Variants in LRP1B observed in about 807,000 individuals in gnomAD.
LRP1B encodes low-density lipoprotein receptor-related protein 1B.
In LRP1B, 217 loss-of-function variants were observed where a neutral mutation model predicts 556.6. The ratio of observed to expected loss-of-function variants is 0.39; its 90% CI spans 0.35 to 0.44. LRP1B has a LOEUF of 0.44. Ranked by LOEUF, LRP1B falls within the 20% of genes least tolerant of loss-of-function variation. The probability of loss-of-function intolerance (pLI) is 1.00; values close to 1 mark genes in which losing one functional copy is unlikely to be tolerated. For synonymous variants in LRP1B, 2,047 were observed against 1,865.8 expected (o/e 1.10, Z -2.50); for missense variants, 5,053 against 5,620.8 (o/e 0.90, Z 3.23).
At chr2:140,378,972 A>T (rs866247068) in intron 67 of LRP1B, among the ~76,000 whole-genome samples, 12 of 152,224 alleles carry the variant, frequency 7.9e-5, no homozygotes, top group Non-Finnish European at 1.5e-4. Context: ...CACATAGGGC[A>T]TAAGCCACAT....
intron 2 of LRP1B, among the ~76,000 whole-genome samples, chr2:141,696,475 A>G (rs1691737040): frequency 6.6e-6 from 1 of 151,972 alleles, no homozygotes; most frequent in Non-Finnish European, 1.5e-5. Flanking sequence ...CCTTTGATTA[A>G]TAATTTAATC....
chr2:141,600,497 C>G (rs1426573835), intron 2 of LRP1B, among the ~76,000 whole-genome samples: 1 of 152,004 alleles, frequency 6.6e-6, no homozygotes, highest in Non-Finnish European at 1.5e-5. Flanking sequence ...AGTGATGATG[C>G]AGGTGAGTAT....
chr2:140,436,150 A>G (rs1686171391), intron 66 of LRP1B, among the ~76,000 whole-genome samples: 1 of 152,202 alleles, frequency 6.6e-6, no homozygotes, highest in Non-Finnish European at 1.5e-5. Context: ...TAGTGATCTA[A>G]TAATAGTACA....
At chr2:140,240,743 A>G (rs2104887276) in intron 87 of LRP1B, among the ~76,000 whole-genome samples, 1 of 151,010 alleles carries the variant, frequency 6.6e-6, no homozygotes, top group Middle Eastern at 3.4e-3. Context: ...TTGAACATGG[A>G]GATCTTGAAT....
chr2:141,160,290 C>T (rs1679959666), intron 7 of LRP1B, among the ~76,000 whole-genome samples: 1 of 152,068 alleles, frequency 6.6e-6, no homozygotes, highest in African/African-American at 2.4e-5. Context: ...GTCTGAACAA[C>T]TAGATCTCTC....
intron 3 of LRP1B, among the ~76,000 whole-genome samples, chr2:141,445,134 C>T (rs1681138906): frequency 1.3e-5 from 2 of 152,192 alleles, no homozygotes; most frequent in Admixed American, 1.3e-4. Context: ...AGGGATTTGA[C>T]TTCTTCCTGG....
chr2:140,816,702 T>A (rs1199576571), intron 31 of LRP1B, among the ~76,000 whole-genome samples: 1 of 152,116 alleles, frequency 6.6e-6, no homozygotes, highest in Non-Finnish European at 1.5e-5. Context: ...CTTGGGTGCA[T>A]TTATTCTCAG....
intron 20 of LRP1B, among the ~76,000 whole-genome samples, chr2:140,948,338 T>G (rs887647624): frequency 6.6e-6 from 1 of 152,186 alleles, no homozygotes; most frequent in East Asian, 1.9e-4. Flanking sequence ...TCGACCACTC[T>G]TAGATGAATG....
intron 21 of LRP1B, among the ~76,000 whole-genome samples, chr2:140,920,794 A>T (rs1331700357): frequency 1.3e-5 from 2 of 151,830 alleles, no homozygotes; most frequent in African/African-American, 4.8e-5. Context: ...TTTATCACAG[A>T]TTTTTTTTAC....
chr2:140,658,153 G>T (rs1684957296), intron 41 of LRP1B, among the ~76,000 whole-genome samples: 1 of 151,988 alleles, frequency 6.6e-6, no homozygotes, highest in Non-Finnish European at 1.5e-5. Context: ...ACAAATTTCA[G>T]TTGGTTAACA....
At position 140,705,521 on chromosome 2, in the gene LRP1B, C is replaced by CAAA. The variant is rs565447198; in HGVS notation, c.6024-2971_6024-2969dup. Among the ~76,000 whole-genome samples the CAAA allele has an allele frequency of 2.1e-4, 14 of 68,208 alleles. 1 individual carries two copies. The highest frequency in any genetic ancestry group is 6.0e-4 in the South Asian group (1 of 1,654). The allele number at this position is 68,208 out of a possible 152,430, so 44.7% of individuals were successfully genotyped here. On this transcript the variant is annotated intron_variant, in intron 37 of 90. Transcript: ENST00000389484. ...CATGGGGAACAGAGTGAGACTGTCT[C>CAAA]AAAAAAAAAAAAAAAAAAAAAAAAA... is the stretch of plus-strand genomic sequence containing the variant.
rs200187650 is a variant in LRP1B at position 140,760,620 on chromosome 2, T to TCACGCCTG, written c.5758+8585_5758+8592dup. ...ACCCATCCTGGCTGGGCGCAGTGGC[T>TCACGCCTG]CACGCCTGTAATTCCAACACTTTGG... On this transcript the variant is annotated intron_variant, in intron 35 of 90. Transcript: ENST00000389484. 7.2e-3 allele frequency among the ~76,000 whole-genome samples: 1,092 copies of TCACGCCTG among 152,342 alleles called. 36 individuals carry two copies. The East Asian group carries it at 0.1, about 14-fold the overall frequency.
chr2:141,328,658 C>A (rs72981240), intron 3 of LRP1B, among the ~76,000 whole-genome samples: 2,785 of 152,280 alleles, frequency 0.018, 87 homozygotes, highest in African/African-American at 0.062. Context: ...ATTCATATCT[C>A]ACTCAGTTAC....
rs1035417277 is a variant in LRP1B at position 141,641,130 on chromosome 2, G to C, written c.206-160597C>G. 2.6e-5 allele frequency among the ~76,000 whole-genome samples: 4 copies of C among 152,066 alleles called. 1 individual carries two copies. The highest frequency in any genetic ancestry group is 1.9e-4 in the East Asian group (1 of 5,190). On this transcript the variant is annotated intron_variant, in intron 2 of 90. Coordinates refer to ENST00000389484, the MANE Select transcript of LRP1B (RefSeq NM_018557.3). ...AATTATCTTTCCCCCTCTGTACTGA[G>C]AGAAATAAAGATCTCTGTAATATTT...
chr2:140,802,967 C>G (rs1024890428), intron 32 of LRP1B, among the ~76,000 whole-genome samples: 2 of 152,152 alleles, frequency 1.3e-5, no homozygotes, highest in African/African-American at 4.8e-5. Flanking sequence ...CTTACATTCA[C>G]GTGCTTACAA....
chr2:141,005,162 A>T (rs1379960235), intron 15 of LRP1B, among the ~76,000 whole-genome samples, 173 bp downstream of exon 15: 1 of 152,026 alleles, frequency 6.6e-6, no homozygotes, highest in Non-Finnish European at 1.5e-5. Context: ...GTCAATATTC[A>T]TCTATATATT....
At chr2:141,155,239 A>C (rs1359307108) in intron 7 of LRP1B, among the ~76,000 whole-genome samples, 1 of 151,752 alleles carries the variant, frequency 6.6e-6, no homozygotes, top group Non-Finnish European at 1.5e-5. Flanking sequence ...AAATATATAC[A>C]TTAGTAATAA....
intron 1 of LRP1B, among the ~76,000 whole-genome samples, chr2:142,074,210 C>A (rs1705421070): frequency 6.6e-6 from 1 of 152,032 alleles, no homozygotes; most frequent in African/African-American, 2.4e-5. Flanking sequence ...TCTCTCTCCC[C>A]AAAGCCCTCA....
chr2:141,478,776 G>A (rs1309337565), intron 3 of LRP1B, among the ~76,000 whole-genome samples: 3 of 151,812 alleles, frequency 2.0e-5, no homozygotes, highest in Admixed American at 6.6e-5. Flanking sequence ...AACTCCTGAC[G>A]TCAGGTGATC....
Sources: gnomAD v4.1 joint callset for allele counts (sites outside exome capture counted in the v4.1 genomes callset) on GRCh38, gnomAD v4.1.1 for gene constraint, MANE v1.5 for transcripts, NCBI Gene and HGNC (gene_info 2026-07-23, HGNC 2026-07-21) for gene names.